Variants in CFLAR observed in about 807,000 individuals in gnomAD.
The protein encoded by CFLAR is CASP8 and FADD like apoptosis regulator, also known as CASP8 and FADD-like apoptosis regulator.
CFLAR carries 14 observed loss-of-function variants against 51.1 expected under a neutral mutation model. The observed-to-expected ratio is 0.27, with a 90% CI of 0.18 to 0.43. The LOEUF (loss-of-function observed/expected upper bound fraction) is 0.43, where lower values mean the gene tolerates loss of function less well. CFLAR is among the 20% of genes least tolerant of loss of function. The probability of loss-of-function intolerance (pLI) is 1.00; values close to 1 mark genes in which losing one functional copy is unlikely to be tolerated. For missense variants in CFLAR, 390 were observed against 566.5 expected (o/e 0.69, Z 3.16); for synonymous variants, 210 against 211.6 (o/e 0.99, Z 0.06).
Position 201,149,946 on chromosome 2 carries a change from G to C in CFLAR, c.793+111G>C. 3 of 802,502 alleles carry C rather than the reference G, an allele frequency of 3.7e-6. 1 individual carries two copies. The South Asian group carries it at 4.3e-5, about 12-fold the overall frequency. The allele number at this position is 802,502 out of a possible 1,614,324, so 49.7% of individuals were successfully genotyped here. A position where few individuals can be genotyped will look rare whatever the true frequency, so the allele number is the denominator to read the frequency against. On this transcript the variant is annotated intron_variant, in intron 8 of 9. Transcript: ENST00000309955. ...CAACTGCCGTGACAAACCAGTTCAA[G>C]AATCTGTGCTTCATCCTGGGTGCGG... is the stretch of plus-strand genomic sequence containing the variant.
Position 201,140,403 on chromosome 2 carries a change from C to G in CFLAR, c.570C>G (p.Ile190Met), listed in dbSNP as rs1938405908. 6.2e-7 allele frequency: 1 copy of G among 1,610,418 alleles called. No homozygotes were observed. The highest frequency in any genetic ancestry group is 8.5e-7 in the Non-Finnish European group (1 of 1,179,138). ...TSYRNVLQAA[I>M]QKSLKDPSNN... ...ACAGGAATGTTCTCCAAGCAGCAAT[C>G]CAAAAGAGTCTCAAGGATCCTTCAA... is the stretch of plus-strand genomic sequence containing the variant. Residue 190 changes from isoleucine (I) to methionine (M), a missense_variant, in exon 5 of 10, where the codon ATC (isoleucine) becomes ATG (methionine). Coordinates refer to ENST00000309955, the MANE Select transcript of CFLAR (RefSeq NM_003879.7).
At chr2:201,120,158 CTA>C (rs1023386601) in intron 1 of CFLAR, among the ~76,000 whole-genome samples, 7 of 149,702 alleles carry the variant, frequency 4.7e-5, no homozygotes, top group Admixed American at 2.7e-4. Context: ...GTAGCTGGAA[CTA>C]CAGGTGTGTG....
At chr2:201,120,390 T>C (rs1296119343) in intron 1 of CFLAR, among the ~76,000 whole-genome samples, 1 of 152,106 alleles carries the variant, frequency 6.6e-6, no homozygotes, top group Admixed American at 6.6e-5. Context: ...GCGATTTAAG[T>C]TTTTGGCCCA....
At chr2:201,129,620 T>C (rs2049046219) in intron 1 of CFLAR, 109 bp from the exon 2 acceptor site, 2 of 509,522 alleles carry the variant, frequency 3.9e-6, no homozygotes, top group African/African-American at 1.9e-5. Context: ...CTATAGAACT[T>C]AATCTACTTA....
intron 3 of CFLAR, among the ~76,000 whole-genome samples, chr2:201,133,933 A>G: frequency 6.7e-6 from 1 of 149,856 alleles, no homozygotes; most frequent in South Asian, 2.1e-4. Context: ...CATCTCAAAA[A>G]AAAAAAAAAA....
rs185887972 is a variant in CFLAR, at chr2:201,166,265, C to T, written c.*2292C>T. On this transcript the variant is annotated 3_prime_UTR_variant, in exon 10 of 10. Transcript: ENST00000309955. ...GCGGCTGGCCGGGCGGGGGCTGACC[C>T]CCACGCCTCCCTCCCGGACGGGGCG... 9.4e-3 allele frequency: 1,366 copies of T among 145,352 alleles called. 19 individuals carry two copies. Among genetic ancestry groups the T allele is most frequent in the Non-Finnish European group, 9.9e-3 (642 of 64,970 alleles). 9.0% of individuals were successfully genotyped at this position (145,352 alleles called of 1,614,324 possible). A position where few individuals can be genotyped will look rare whatever the true frequency, so the allele number is the denominator to read the frequency against.
At chr2:201,149,950 C>A in intron 8 of CFLAR, 115 bp downstream of exon 8, 1 of 779,964 alleles carries the variant, frequency 1.3e-6, no homozygotes. Context: ...GTTCAAGAAT[C>A]TGTGCTTCAT....
In CFLAR at chr2:201,174,654, G is replaced by C. The variant is rs755894279; in HGVS notation, c.*10681G>C. The C allele has an allele frequency of 1.3e-5, 2 of 152,218 alleles. No individual in the cohort carries two copies. Among genetic ancestry groups the C allele is most frequent in the Non-Finnish European group, 2.9e-5 (2 of 68,090 alleles). 9.4% of individuals were successfully genotyped at this position (152,218 alleles called of 1,614,324 possible). On this transcript the variant is annotated 3_prime_UTR_variant, in exon 10 of 10. Coordinates refer to ENST00000309955, the MANE Select transcript of CFLAR (RefSeq NM_003879.7). ...CACCTCCACCTCCCAAAGTGCTGAG[G>C]GGTGAGCCACTGCAACTGGCCTGTT... is the stretch of plus-strand genomic sequence containing the variant.
intron 1 of CFLAR, among the ~76,000 whole-genome samples, chr2:201,119,729 C>T (rs900480327): frequency 2.6e-5 from 4 of 152,048 alleles, no homozygotes; most frequent in African/African-American, 9.7e-5. Context: ...TTTCTTCAGA[C>T]ACTCTTCAGT....
intron 9 of CFLAR, 110 bp downstream of exon 9, chr2:201,161,052 G>T: frequency 1.3e-6 from 1 of 753,470 alleles, no homozygotes; most frequent in Non-Finnish European, 2.2e-6. Context: ...GGGAGGAAAA[G>T]AGATTTTCCC....
intron 8 of CFLAR, among the ~76,000 whole-genome samples, chr2:201,159,756 TAA>T (rs1315681034): frequency 6.6e-6 from 1 of 152,228 alleles, no homozygotes; most frequent in African/African-American, 2.4e-5. Context: ...ATTTAGTGGC[TAA>T]AAACAACAGT....
chr2:201,133,928 C>CAAAA lies in CFLAR; in HGVS notation c.387+815_387+818dup, dbSNP rs1267307823. ...CCTGGGTGACAGCAAGACTCCATCT[C>CAAAA]AAAAAAAAAAAAAAAAAAAAAAAAT... On this transcript the variant is annotated intron_variant, in intron 3 of 9. Coordinates refer to ENST00000309955, the MANE Select transcript of CFLAR (RefSeq NM_003879.7). Among the ~76,000 whole-genome samples the CAAAA allele has an allele frequency of 2.2e-4, 11 of 49,844 alleles. No homozygotes were observed. The East Asian group carries it at 8.5e-3, about 39-fold the overall frequency. The allele number at this position is 49,844 out of a possible 152,430, so 32.7% of individuals were successfully genotyped here. A position where few individuals can be genotyped will look rare whatever the true frequency, so the allele number is the denominator to read the frequency against.
At position 201,170,751 on chromosome 2, in the gene CFLAR, T is replaced by G. The variant is rs540752899; in HGVS notation, c.*6778T>G. ...AGCTTTTACATGATTGGAATCATAA[T>G]GCATATTCCATTTTGAAGTCTGCTT... On this transcript the variant is annotated 3_prime_UTR_variant, in exon 10 of 10. Coordinates refer to ENST00000309955, the MANE Select transcript of CFLAR (RefSeq NM_003879.7). 1.3e-5 allele frequency: 2 copies of G among 152,378 alleles called. No individual in the cohort carries two copies. Among genetic ancestry groups the G allele is most frequent in the South Asian group, 2.1e-4 (1 of 4,832 alleles). 9.4% of individuals were successfully genotyped at this position (152,378 alleles called of 1,614,324 possible).
At chr2:201,161,494 A>G (rs529550242) in intron 9 of CFLAR, among the ~76,000 whole-genome samples, 7 of 151,198 alleles carry the variant, frequency 4.6e-5, no homozygotes, top group African/African-American at 9.7e-5. Flanking sequence ...GCTCACTGCA[A>G]CCTCCACCTC....
rs559831022 is a variant in CFLAR, at chr2:201,116,888, T to C, written c.-138+407T>C. 6.6e-6 allele frequency: 1 copy of C among 152,416 alleles called. No individual in the cohort carries two copies. Among genetic ancestry groups the C allele is most frequent in the African/African-American group, 2.4e-5 (1 of 41,576 alleles). The allele number at this position is 152,416 out of a possible 1,614,324, so 9.4% of individuals were successfully genotyped here. ...GGACCTGAGAGACCGGAAGTAACCC[T>C]TGGCCAACTCTGGCCGCCCCCTGCA... On this transcript the variant is annotated intron_variant, in intron 1 of 9. Transcript: ENST00000309955. The surrounding 1 kb of genome is among the most constrained non-coding windows in gnomAD (Gnocchi z 4.8).
chr2:201,161,998 TC>T (rs1943092456), intron 9 of CFLAR, among the ~76,000 whole-genome samples: 1 of 152,060 alleles, frequency 6.6e-6, no homozygotes, highest in African/African-American at 2.4e-5. Context: ...TCCACGTACC[TC>T]GGCCTGCCAA....
rs571706203 is a variant in CFLAR, at chr2:201,118,614, G to A, written c.-138+2133G>A. 1 of 152,358 alleles carries A rather than the reference G, an allele frequency of 6.6e-6. No homozygotes were observed. The highest frequency in any genetic ancestry group is 2.4e-5 in the African/African-American group (1 of 41,552). The allele number at this position is 152,358 out of a possible 1,614,324, so 9.4% of individuals were successfully genotyped here. On this transcript the variant is annotated intron_variant, in intron 1 of 9. Transcript: ENST00000309955. This position sits in a 1 kb window ranked among gnomAD's most constrained non-coding sequence, Gnocchi z 5.1. ...CCCTGTGCAAGTTTCAACTGCGCGG[G>A]GGGCGGGGAATTCCGCAGACAGGAT...
chr2:201,149,368 C>T, intron 7 of CFLAR: 1 of 300,986 alleles, frequency 3.3e-6, no homozygotes, highest in Non-Finnish European at 6.2e-6. Context: ...CTTAGGTTGA[C>T]ACCTCTTTGT....
chr2:201,127,981 A>C (rs1293178123), intron 1 of CFLAR, among the ~76,000 whole-genome samples: 1 of 152,172 alleles, frequency 6.6e-6, no homozygotes, highest in East Asian at 1.9e-4. Flanking sequence ...GATACTTATG[A>C]ATTACAAAAG....
Sources: gnomAD v4.1 joint callset for allele counts (sites outside exome capture counted in the v4.1 genomes callset) on GRCh38, gnomAD v4.1.1 for gene constraint, Gnocchi (gnomAD v3.1) non-coding constraint, MANE v1.5 for transcripts, NCBI Gene and HGNC (gene_info 2026-07-23, HGNC 2026-07-21) for gene names.